MYO1D: variants seen among roughly 807,000 people sequenced by gnomAD.
MYO1D encodes unconventional myosin-Id.
A neutral mutation model predicts 122.0 loss-of-function variants in MYO1D; 83 were observed. That is an observed-to-expected ratio of 0.68 (90% CI 0.57 to 0.82). MYO1D has a LOEUF of 0.82. Ranked by LOEUF, MYO1D falls within the 40% of genes least tolerant of loss-of-function variation. The pLI is 0.00. For synonymous variants in MYO1D, 464 were observed against 446.9 expected (o/e 1.04, Z -0.48); for missense variants, 1,157 against 1,269.5 (o/e 0.91, Z 1.35).
At chr17:32,781,479 G>T (rs757587656) in intron 1 of MYO1D, among the ~76,000 whole-genome samples, 3 of 152,020 alleles carry the variant, frequency 2.0e-5, no homozygotes, top group African/African-American at 7.3e-5. Context: ...TGGGACAGCT[G>T]GTTGAAAGGC....
chr17:32,702,486 T>C (rs995534867), intron 16 of MYO1D, among the ~76,000 whole-genome samples: 14 of 152,182 alleles, frequency 9.2e-5, no homozygotes, highest in Non-Finnish European at 1.9e-4. Flanking sequence ...GGCTTTTTTT[T>C]CCCTGTTCTT....
intron 21 of MYO1D, among the ~76,000 whole-genome samples, chr17:32,543,294 C>T (rs910307767): frequency 8.2e-5 from 12 of 146,780 alleles, no homozygotes; most frequent in Admixed American, 1.4e-4. Context: ...ATGTGAGGGC[C>T]GGCTGGGTGT....
At chr17:32,543,747 G>A (rs560877980) in intron 21 of MYO1D, among the ~76,000 whole-genome samples, 51 of 152,232 alleles carry the variant, frequency 3.4e-4, no homozygotes, top group African/African-American at 1.2e-3. Context: ...GAGGTGGCAT[G>A]CTAAGTCCTG....
chr17:32,761,128 A>G (rs1485081337), intron 8 of MYO1D, among the ~76,000 whole-genome samples: 1 of 152,226 alleles, frequency 6.6e-6, no homozygotes, highest in Admixed American at 6.5e-5. Flanking sequence ...CCAATGCACA[A>G]GAACACACAC....
chr17:32,849,214 G>A (rs1460098510), intron 1 of MYO1D, among the ~76,000 whole-genome samples: 1 of 150,760 alleles, frequency 6.6e-6, no homozygotes, highest in Non-Finnish European at 1.5e-5. Context: ...TACACTGTTG[G>A]TGGGACTATA....
chr17:32,564,903 C>G (rs932495917), intron 21 of MYO1D, among the ~76,000 whole-genome samples: 1 of 152,244 alleles, frequency 6.6e-6, no homozygotes, highest in African/African-American at 2.4e-5. Context: ...GCATACCCCC[C>G]ATCTCACAAT....
chr17:32,543,600 A>AAAAAAT (rs1485041103), intron 21 of MYO1D, among the ~76,000 whole-genome samples: 5 of 149,884 alleles, frequency 3.3e-5, no homozygotes, highest in Non-Finnish European at 7.4e-5. Flanking sequence ...ATAAATAAAT[A>AAAAAAT]AAAAATAAAA....
chr17:32,732,339 C>G (rs1196697015), intron 14 of MYO1D, among the ~76,000 whole-genome samples: 1 of 152,164 alleles, frequency 6.6e-6, no homozygotes, highest in African/African-American at 2.4e-5. Flanking sequence ...GTGCTTTTTC[C>G]AGGCCTGCCT....
At chr17:32,627,950 C>T (rs533654029) in intron 20 of MYO1D, among the ~76,000 whole-genome samples, 27 of 152,272 alleles carry the variant, frequency 1.8e-4, no homozygotes, top group Non-Finnish European at 5.9e-5. Flanking sequence ...GGCAGAAGTG[C>T]ATTTATTCAA....
intron 20 of MYO1D, among the ~76,000 whole-genome samples, chr17:32,617,167 A>T (rs943618072): frequency 2.0e-5 from 3 of 152,142 alleles, no homozygotes; most frequent in Non-Finnish European, 4.4e-5. Context: ...GCAATAGAGT[A>T]GACTGTCTCA....
intron 16 of MYO1D, among the ~76,000 whole-genome samples, chr17:32,696,681 G>A (rs1268936516): frequency 6.6e-6 from 1 of 152,206 alleles, no homozygotes; most frequent in South Asian, 2.1e-4. Context: ...ACATGTGTTT[G>A]CTTGCTAGTT....
chr17:32,866,914 T>C (rs1335363236), intron 1 of MYO1D, among the ~76,000 whole-genome samples: 3 of 152,224 alleles, frequency 2.0e-5, no homozygotes, highest in African/African-American at 2.4e-5. Flanking sequence ...ACCTCTTCCA[T>C]AGGGCATTTT....
At chr17:32,527,328 C>T (rs1287618340) in intron 21 of MYO1D, among the ~76,000 whole-genome samples, 1 of 152,226 alleles carries the variant, frequency 6.6e-6, no homozygotes, top group Non-Finnish European at 1.5e-5. Context: ...GGCAGCTAAC[C>T]ACAGTAAGGA....
chr17:32,727,763 T>A (rs1029211942), intron 14 of MYO1D: 2 of 152,134 alleles, frequency 1.3e-5, no homozygotes, highest in Non-Finnish European at 2.9e-5. Flanking sequence ...ATTGTCAGAC[T>A]GGATTAAAAA....
chr17:32,724,297 C>T (rs1320814717), intron 14 of MYO1D, among the ~76,000 whole-genome samples: 1 of 152,166 alleles, frequency 6.6e-6, no homozygotes, highest in African/African-American at 2.4e-5. Context: ...AAAATCAGAA[C>T]ACTTGAGTCT....
At chr17:32,625,082 T>C (rs1010999935) in intron 20 of MYO1D, among the ~76,000 whole-genome samples, 1 of 152,196 alleles carries the variant, frequency 6.6e-6, no homozygotes, top group African/African-American at 2.4e-5. Context: ...TGAGCCACTG[T>C]GCCCAGCCCT....
Position 32,767,682 on chromosome 17 carries a change from T to G in MYO1D, c.785A>C (p.Glu262Ala), listed in dbSNP as rs1395763567. ...AATCTTATACACTGTTTGGATCTCC[T>G]CAGGTTTGAAGCCAATGACTTTCAT... ...DAMKVIGFKP[E>A]EIQTVYKILA... The change falls in exon 7 of 22, where the codon GAG (glutamate) becomes GCG (alanine). Residue 262 changes from glutamate to alanine, a missense_variant. Transcript: ENST00000318217. 1 of 1,613,872 alleles carries G rather than the reference T, an allele frequency of 6.2e-7. No homozygotes were observed. Among genetic ancestry groups the G allele is most frequent in the African/African-American group, 1.3e-5 (1 of 74,926 alleles).
intron 20 of MYO1D, among the ~76,000 whole-genome samples, chr17:32,612,762 T>C (rs1738938177): frequency 1.3e-5 from 2 of 151,592 alleles, no homozygotes; most frequent in African/African-American, 4.8e-5. Flanking sequence ...TAATTTCATA[T>C]TAATGAAATG....
intron 21 of MYO1D, among the ~76,000 whole-genome samples, chr17:32,550,460 G>C (rs225192): frequency 0.66 from 100,635 of 151,372 alleles, 34,313 homozygotes; most frequent in African/African-American, 0.82. Context: ...TTTTTTTTTG[G>C]TGTTCACTGT....
Sources: gnomAD v4.1 joint callset for allele counts (sites outside exome capture counted in the v4.1 genomes callset) on GRCh38, gnomAD v4.1.1 for gene constraint, MANE v1.5 for transcripts, NCBI Gene and HGNC (gene_info 2026-07-23, HGNC 2026-07-21) for gene names.